Variants in PTPRD observed in about 807,000 individuals in gnomAD.
The protein encoded by PTPRD is receptor-type tyrosine-protein phosphatase delta.
In PTPRD, 34 loss-of-function variants were observed where a neutral mutation model predicts 214.5. The observed-to-expected ratio is 0.16, with a 90% confidence interval of 0.12 to 0.21. The LOEUF is 0.21. Among genes scored for constraint, PTPRD ranks in the 10% least tolerant of loss-of-function variants. The pLI is 1.00. For missense variants in PTPRD, 2,545 were observed against 2,398.7 expected (o/e 1.06, Z -1.27); for synonymous variants, 1,128 against 845.7 (o/e 1.33, Z -5.79).
At chr9:9,470,578 C>T (rs1223844793) in intron 8 of PTPRD, among the ~76,000 whole-genome samples, 2 of 152,138 alleles carry the variant, frequency 1.3e-5, no homozygotes, top group Non-Finnish European at 2.9e-5. Flanking sequence ...GGGGAATAAA[C>T]ATTTTGAAAT....
chr9:10,198,441 GAGT>G (rs1484660227), intron 3 of PTPRD, among the ~76,000 whole-genome samples: 1 of 152,086 alleles, frequency 6.6e-6, no homozygotes, highest in African/African-American at 2.4e-5. Flanking sequence ...GTAACAAATG[GAGT>G]ACAGTAATAG....
chr9:10,139,954 A>G (rs1243187001), intron 3 of PTPRD, among the ~76,000 whole-genome samples: 1 of 152,102 alleles, frequency 6.6e-6, no homozygotes, highest in Admixed American at 6.6e-5. Context: ...AATCCAGAAC[A>G]TACTTTCTTG....
At chr9:8,420,821 A>G (rs2094308366) in intron 35 of PTPRD, among the ~76,000 whole-genome samples, 1 of 114,544 alleles carries the variant, frequency 8.7e-6, no homozygotes, top group African/African-American at 3.1e-5. Flanking sequence ...TTTTTTTTAA[A>G]AAAAGAAAAT....
intron 10 of PTPRD, among the ~76,000 whole-genome samples, chr9:9,143,365 C>T (rs1174010404): frequency 6.6e-6 from 1 of 152,172 alleles, no homozygotes; most frequent in African/African-American, 2.4e-5. Context: ...AATGTTCCTT[C>T]CACACCCTGA....
chr9:9,336,385 T>C (rs1266820775), intron 9 of PTPRD, among the ~76,000 whole-genome samples: 2 of 152,128 alleles, frequency 1.3e-5, no homozygotes, highest in Non-Finnish European at 2.9e-5. Flanking sequence ...GGTTCCTAAA[T>C]AGAAACTGAA....
intron 8 of PTPRD, among the ~76,000 whole-genome samples, chr9:9,534,399 C>T (rs1430953702): frequency 6.6e-6 from 1 of 151,992 alleles, no homozygotes; most frequent in Non-Finnish European, 1.5e-5. Context: ...GGTAAAATCT[C>T]TCACGCCCTT....
chr9:10,276,361 CA>C (rs1289341167), intron 3 of PTPRD, among the ~76,000 whole-genome samples: 1 of 152,100 alleles, frequency 6.6e-6, no homozygotes, highest in Non-Finnish European at 1.5e-5. Context: ...AAGGACAATG[CA>C]AGAGAAAAGT....
chr9:10,510,582 T>C (rs909636440), intron 2 of PTPRD, among the ~76,000 whole-genome samples: 6 of 152,188 alleles, frequency 3.9e-5, no homozygotes, highest in Admixed American at 1.3e-4. Context: ...CTAATTTTTA[T>C]GAATACATAT....
chr9:8,723,215 A>T (rs1209128852), intron 12 of PTPRD, among the ~76,000 whole-genome samples: 2 of 151,888 alleles, frequency 1.3e-5, no homozygotes, highest in Non-Finnish European at 2.9e-5. Context: ...CTTTACACTC[A>T]TTCCCCCATC....
chr9:9,435,931 T>G (rs1482217223), intron 8 of PTPRD, among the ~76,000 whole-genome samples: 1 of 152,172 alleles, frequency 6.6e-6, no homozygotes, highest in East Asian at 1.9e-4. Context: ...ATAGTGTATG[T>G]ATTAGAAACT....
At chr9:9,917,302 GAAAA>G (rs140708788) in intron 5 of PTPRD, among the ~76,000 whole-genome samples, 4 of 21,196 alleles carry the variant, frequency 1.9e-4, no homozygotes, top group South Asian at 2.9e-3. Context: ...TAGCTAGACT[GAAAA>G]AAAAAAAAAA....
At chr9:10,440,645 C>A (rs1263288204) in intron 2 of PTPRD, among the ~76,000 whole-genome samples, 1 of 151,566 alleles carries the variant, frequency 6.6e-6, no homozygotes, top group South Asian at 2.1e-4. Flanking sequence ...AAATGCAGAC[C>A]AAACTTGAAA....
intron 7 of PTPRD, among the ~76,000 whole-genome samples, chr9:9,615,494 G>T (rs1399087739): frequency 6.6e-6 from 1 of 152,116 alleles, no homozygotes; most frequent in Non-Finnish European, 1.5e-5. Context: ...CTTGGATCAA[G>T]GGTTGTCTGC....
intron 9 of PTPRD, among the ~76,000 whole-genome samples, chr9:9,230,184 T>G (rs1032078407): frequency 2.0e-5 from 3 of 152,012 alleles, no homozygotes; most frequent in Admixed American, 2.0e-4. Context: ...TGGGGGTGGG[T>G]GGGTGCAGGC....
intron 5 of PTPRD, among the ~76,000 whole-genome samples, chr9:9,902,819 G>C (rs2076706856): frequency 6.6e-6 from 1 of 152,082 alleles, no homozygotes; most frequent in Non-Finnish European, 1.5e-5. Flanking sequence ...CTTTTTCCAA[G>C]CACACTGTAG....
intron 30 of PTPRD, among the ~76,000 whole-genome samples, chr9:8,482,309 G>T (rs767003358): frequency 6.6e-6 from 1 of 151,706 alleles, no homozygotes; most frequent in Non-Finnish European, 1.5e-5. Flanking sequence ...TACTACTCTA[G>T]TGTAACTCAT....
Position 8,633,208 on chromosome 9 carries a change from G to T in PTPRD, c.352+109C>A, listed in dbSNP as rs1206495389. The T allele has an allele frequency of 1.5e-4, 202 of 1,348,202 alleles. No homozygotes were observed. In the East Asian group the frequency reaches 4.8e-3, roughly 32 times the overall value. 83.5% of individuals were successfully genotyped at this position (1,348,202 alleles called of 1,614,324 possible). A position where few individuals can be genotyped will look rare whatever the true frequency, so the allele number is the denominator to read the frequency against. On this transcript the variant is annotated intron_variant, in intron 14 of 45. Transcript: ENST00000381196. Reference sequence around the variant, plus strand: ...GTTCAAGTCTTACAAACATTTAACTGAGTTTCCCATTTAAGCACCATCACA... The same window carrying T: ...GTTCAAGTCTTACAAACATTTAACTTAGTTTCCCATTTAAGCACCATCACA...
At chr9:8,940,647 A>T (rs2099027859) in intron 11 of PTPRD, among the ~76,000 whole-genome samples, 1 of 151,786 alleles carries the variant, frequency 6.6e-6, no homozygotes, top group African/African-American at 2.4e-5. Flanking sequence ...ACCCTAAATT[A>T]GGAATTTTAC....
intron 10 of PTPRD, among the ~76,000 whole-genome samples, chr9:9,068,825 T>G (rs1327378263): frequency 6.6e-6 from 1 of 152,124 alleles, no homozygotes; most frequent in Admixed American, 6.5e-5. Context: ...TTGGCCAGGA[T>G]GGTCTCGATC....
Sources: gnomAD v4.1 joint callset for allele counts (sites outside exome capture counted in the v4.1 genomes callset) on GRCh38, gnomAD v4.1.1 for gene constraint, MANE v1.5 for transcripts, NCBI Gene and HGNC (gene_info 2026-07-23, HGNC 2026-07-21) for gene names.